The following HCFC2 variants were observed in gnomAD, a reference collection of about 807,000 sequenced individuals.
HCFC2 encodes host cell factor 2.
HCFC2 carries 18 observed loss-of-function variants against 89.2 expected under a neutral mutation model. The ratio of observed to expected loss-of-function variants is 0.20; its 90% CI spans 0.14 to 0.30. The LOEUF is 0.30. Among genes scored for constraint, HCFC2 ranks in the 10% least tolerant of loss-of-function variants. HCFC2 has a pLI of 1.00. For synonymous variants in HCFC2, 308 were observed against 335.7 expected, an observed-to-expected ratio of 0.92 and a Z score of 0.90; for missense variants, 578 against 956.1, an observed-to-expected ratio of 0.60 and a Z score of 5.21.
At position 104,102,950 on chromosome 12, in the gene HCFC2, C is replaced by CA. The variant is rs1565817371; in HGVS notation, c.2065-9_2065-8insA. 6.3e-7 allele frequency: 1 copy of CA among 1,590,808 alleles called. No individual in the cohort carries two copies. The highest frequency in any genetic ancestry group is 8.6e-7 in the Non-Finnish European group (1 of 1,164,986). On this transcript the variant is annotated splice_polypyrimidine_tract_variant and intron_variant, in intron 14 of 14. Transcript: ENST00000229330. ...AACCTTTAACCTGTTTTTTCCCCCCCCCTTCAAGAATGTTGAAGGTATCCA... is the reference window on the plus strand; with the variant it reads ...AACCTTTAACCTGTTTTTTCCCCCCCACCTTCAAGAATGTTGAAGGTATCCA...
intron 10 of HCFC2, among the ~76,000 whole-genome samples, chr12:104,094,927 T>A (rs1418029209): frequency 1.3e-5 from 2 of 152,218 alleles, no homozygotes; most frequent in Middle Eastern, 3.4e-3. Context: ...TACATTCAGA[T>A]TTTTTAGGAG....
At chr12:104,100,838 CGT>C (rs1323237219) in intron 13 of HCFC2, among the ~76,000 whole-genome samples, 1 of 152,066 alleles carries the variant, frequency 6.6e-6, no homozygotes, top group Non-Finnish European at 1.5e-5. Flanking sequence ...TATATAAAGA[CGT>C]GTCTGTGTCT....
In HCFC2 at chr12:104,086,484, C is replaced by G. The variant is rs191480246; in HGVS notation, c.1064-363C>G. ...CCCCTTGCCTCTCCCCAGCCTCCCC[C>G]CAAAAACCTTCTAGGATTCCCAGCT... On this transcript the variant is annotated intron_variant, in intron 7 of 14. Transcript: ENST00000229330. Among the ~76,000 whole-genome samples the G allele has an allele frequency of 2.2e-3, 339 of 152,078 alleles. 2 individuals are homozygous for G. The Middle Eastern group carries it at 0.024, about 11-fold the overall frequency.
At chr12:104,088,351 T>C (rs1411277473) in intron 9 of HCFC2, among the ~76,000 whole-genome samples, 1 of 152,230 alleles carries the variant, frequency 6.6e-6, no homozygotes, top group African/African-American at 2.4e-5. Flanking sequence ...AGCATCAGAC[T>C]AATTGAATGT....
chr12:104,080,710 A>T, intron 4 of HCFC2, 36 bp from the exon 5 acceptor site: 2 of 1,251,776 alleles, frequency 1.6e-6, no homozygotes, highest in South Asian at 1.3e-5. Flanking sequence ...TACTCTTGTT[A>T]GATCAAGTTG....
chr12:104,071,329 A>G (rs1883319799), intron 3 of HCFC2, among the ~76,000 whole-genome samples: 1 of 152,166 alleles, frequency 6.6e-6, no homozygotes, highest in African/African-American at 2.4e-5. Context: ...AGCTTTTGTT[A>G]GGTTATTGTT....
chr12:104,069,497 C>T (rs1206509260), intron 3 of HCFC2, among the ~76,000 whole-genome samples: 1 of 149,132 alleles, frequency 6.7e-6, no homozygotes, highest in South Asian at 2.1e-4. Context: ...GTTTTATTCT[C>T]TATTTCTATA....
At chr12:104,089,030 G>A (rs902061360) in intron 9 of HCFC2, among the ~76,000 whole-genome samples, 3 of 152,174 alleles carry the variant, frequency 2.0e-5, no homozygotes, top group African/African-American at 7.2e-5. Context: ...GCAGGGCTTT[G>A]GTTTCAGGAC....
intron 12 of HCFC2, among the ~76,000 whole-genome samples, chr12:104,097,388 A>G (rs1307913322): frequency 6.6e-6 from 1 of 152,136 alleles, no homozygotes; most frequent in South Asian, 2.1e-4. Flanking sequence ...TTTGCCATGC[A>G]TCAGCCAGAA....
intron 3 of HCFC2, among the ~76,000 whole-genome samples, chr12:104,076,707 C>T (rs759322976): frequency 3.0e-4 from 45 of 150,380 alleles, no homozygotes; most frequent in Middle Eastern, 6.8e-3. Context: ...CATTCCTGCC[C>T]CCACCACCAA....
chr12:104,079,359 C>A (rs1266684860), intron 3 of HCFC2, 86 bp from the exon 4 acceptor site: 57 of 1,085,514 alleles, frequency 5.3e-5, no homozygotes, highest in Middle Eastern at 3.1e-4. Context: ...TCACAGTAAG[C>A]ACATTTTATC....
At chr12:104,096,275 G>T in intron 11 of HCFC2, 85 bp from the exon 12 acceptor site, 1 of 854,070 alleles carries the variant, frequency 1.2e-6, no homozygotes. Flanking sequence ...TACAGTTGGT[G>T]GCATTAAATA....
Position 104,064,903 on chromosome 12 carries a change from C to T in HCFC2, c.163+180C>T, listed in dbSNP as rs761400527. ...CCGGCAGCTCTGTCCCGGACCGCAG[C>T]TCAGGATCTCCGGGGCCCTTGGGGC... On this transcript the variant is annotated intron_variant, in intron 1 of 14. Coordinates refer to ENST00000229330, the MANE Select transcript of HCFC2 (RefSeq NM_013320.3). This position sits in a 1 kb window ranked among gnomAD's most constrained non-coding sequence, Gnocchi z 7.3. 3 of 471,768 alleles carry T rather than the reference C, an allele frequency of 6.4e-6. No individual in the cohort carries two copies. Among genetic ancestry groups the T allele is most frequent in the Non-Finnish European group, 1.1e-5 (3 of 282,350 alleles). 29.2% of individuals were successfully genotyped at this position (471,768 alleles called of 1,614,324 possible).
intron 2 of HCFC2, among the ~76,000 whole-genome samples, chr12:104,066,537 A>G (rs1883154952): frequency 6.6e-6 from 1 of 152,250 alleles, no homozygotes; most frequent in Non-Finnish European, 1.5e-5. Context: ...TAAAACCCAA[A>G]GTTTCCTGGC....
rs941035183 is a variant in HCFC2 at position 104,068,907 on chromosome 12, T to G, written c.473+800T>G. The stretch of plus-strand genomic sequence containing the variant: ...TGTAAATTTAAGGTATATAACATGA[T>G]GGTATAAGATAGATATTTTGTATAT... On this transcript the variant is annotated intron_variant, in intron 3 of 14. Coordinates refer to ENST00000229330, the MANE Select transcript of HCFC2 (RefSeq NM_013320.3). The surrounding 1 kb of genome is among the most constrained non-coding windows in gnomAD (Gnocchi z 4.1). 6.6e-6 allele frequency among the ~76,000 whole-genome samples: 1 copy of G among 152,102 alleles called. No homozygotes were observed. The highest frequency in any genetic ancestry group is 2.4e-5 in the African/African-American group (1 of 41,416).
chr12:104,065,594 T>A (rs1404981224), intron 1 of HCFC2, among the ~76,000 whole-genome samples: 1 of 151,960 alleles, frequency 6.6e-6, no homozygotes, highest in Admixed American at 6.6e-5. Flanking sequence ...AATAGTGGAG[T>A]CTGAGAAGTT....
chr12:104,080,055 A>G (rs1450649525), intron 4 of HCFC2, among the ~76,000 whole-genome samples: 1 of 152,172 alleles, frequency 6.6e-6, no homozygotes. Context: ...GGTCAGTAAA[A>G]AACCCTTAGG....
Position 104,101,977 on chromosome 12 carries a change from G to T in HCFC2, c.1888G>T (p.Ala630Ser). The T allele has an allele frequency of 3.1e-6, 5 of 1,593,376 alleles. No homozygotes were observed. The highest frequency in any genetic ancestry group is 4.3e-6 in the Non-Finnish European group (5 of 1,168,114). Residue 630 changes from alanine (A) to serine (S), a missense_variant, in exon 14 of 15, where the codon GCA becomes TCA. By Grantham distance (99) the Ala-to-Ser change is moderately conservative (BLOSUM62 1). This residue lies in a region of HCFC2 where 140 missense variants were observed against 266.4 expected (regional missense o/e 0.53). Coordinates refer to ENST00000229330, the MANE Select transcript of HCFC2 (RefSeq NM_013320.3). Reference protein sequence around the residue: ...GKQSISKVGNADVPDYSLLKK... With the variant: ...GKQSISKVGNSDVPDYSLLKK... ...ATATACTACATTTTAGGTAGGAAATGCAGATGTACCTGACTACAGCTTGCT... is the reference window on the plus strand; with the variant it reads ...ATATACTACATTTTAGGTAGGAAATTCAGATGTACCTGACTACAGCTTGCT...
In HCFC2 at chr12:104,102,138, A is replaced by C; in HGVS notation, c.2049A>C (p.Ala683=). The change falls in exon 14 of 15, where the codon GCA becomes GCC. Residue 683 remains alanine (A), a synonymous_variant. Coordinates refer to ENST00000229330, the MANE Select transcript of HCFC2 (RefSeq NM_013320.3). ...CIPGFPGAPS[A]VRISKNVEGI... ...CTGGTTTTCCTGGAGCTCCTTCTGC[A>C]GTCAGAATTTCAAAGGTGAGACATC... The C allele has an allele frequency of 6.2e-7, 1 of 1,613,448 alleles. No homozygotes were observed. Among genetic ancestry groups the C allele is most frequent in the Non-Finnish European group, 8.5e-7 (1 of 1,179,560 alleles).
Sources: gnomAD v4.1 joint callset for allele counts (sites outside exome capture counted in the v4.1 genomes callset) on GRCh38, gnomAD v4.1.1 for gene constraint, gnomAD v4.1.1 regional missense constraint, Gnocchi (gnomAD v3.1) non-coding constraint, MANE v1.5 for transcripts, NCBI Gene and HGNC (gene_info 2026-07-23, HGNC 2026-07-21) for gene names.